The following WIPF2 variants were observed in gnomAD, a reference collection of about 807,000 sequenced individuals.
WIPF2 encodes WAS/WASL-interacting protein family member 2.
Under a neutral mutation model 38.8 loss-of-function variants are expected in WIPF2, and 23 were observed. That is an observed-to-expected ratio of 0.59 (90% CI 0.43 to 0.84). WIPF2 has a LOEUF of 0.84. Ranked by LOEUF, WIPF2 falls within the 40% of genes least tolerant of loss-of-function variation. The pLI is 0.00. For missense variants in WIPF2, 574 were observed against 580.5 expected (o/e 0.99, Z 0.11); for synonymous variants, 210 against 223.2 (o/e 0.94, Z 0.53).
intron 4 of WIPF2, among the ~76,000 whole-genome samples, chr17:40,263,880 T>C (rs1344451097): frequency 6.6e-6 from 1 of 151,790 alleles, no homozygotes; most frequent in African/African-American, 2.4e-5. Context: ...TTAAAAAAAA[T>C]ATGTGAGGTG....
chr17:40,274,491 T>C (rs1053664971), intron 6 of WIPF2, among the ~76,000 whole-genome samples: 1 of 137,332 alleles, frequency 7.3e-6, no homozygotes, highest in Non-Finnish European at 1.5e-5. Context: ...TCCTCCAACC[T>C]TGGCCTCCCA....
intron 1 of WIPF2, among the ~76,000 whole-genome samples, chr17:40,224,490 C>G (rs1410378830): frequency 6.7e-6 from 1 of 149,952 alleles, no homozygotes; most frequent in Non-Finnish European, 1.5e-5. Context: ...TTGTGATCCA[C>G]CCGCCTCGGC....
intron 1 of WIPF2, among the ~76,000 whole-genome samples, chr17:40,245,883 A>T (rs1230743185): frequency 1.3e-5 from 2 of 152,116 alleles, no homozygotes; most frequent in Non-Finnish European, 2.9e-5. Context: ...TAAGTTGTGG[A>T]TACTTAATTG....
Position 40,278,923 on chromosome 17 carries a change from AGTCAGTTCTCTGC to A in WIPF2, c.*699_*711del, listed in dbSNP as rs1475560150. The A allele has an allele frequency of 1.3e-5, 2 of 152,154 alleles. No homozygotes were observed. The highest frequency in any genetic ancestry group is 6.6e-5 in the Admixed American group (1 of 15,250). The allele number at this position is 152,154 out of a possible 1,614,324, so 9.4% of individuals were successfully genotyped here. On this transcript the variant is annotated 3_prime_UTR_variant, in exon 8 of 8. Transcript: ENST00000323571. ...ATAAACTGAAGACCATTTTAGAACT[AGTCAGTTCTCTGC>A]AGCAAAGGGAACAGGAGCCATTTGA...
At chr17:40,268,605 TA>T (rs1460424795) in intron 5 of WIPF2, among the ~76,000 whole-genome samples, 4 of 152,128 alleles carry the variant, frequency 2.6e-5, no homozygotes, top group African/African-American at 9.7e-5. Context: ...AATTTTTTTT[TA>T]TTTTTATTTT....
At chr17:40,261,296 CTT>C (rs752568975) in intron 3 of WIPF2, among the ~76,000 whole-genome samples, 4 of 143,896 alleles carry the variant, frequency 2.8e-5, no homozygotes, top group Admixed American at 7.0e-5. Flanking sequence ...TTGAACATTT[CTT>C]TTTTTTTTTT....
rs2143030072 is a variant in WIPF2 at position 40,282,687 on chromosome 17, CA to C, written c.*4467del. On this transcript the variant is annotated 3_prime_UTR_variant, in exon 8 of 8. Transcript: ENST00000323571. The stretch of plus-strand genomic sequence containing the variant: ...GCTTAATTAAAACCTTGCTTAAAAA[CA>C]AAAAGTGAAAATTGTGTACTCTTGT... 6.6e-6 allele frequency: 1 copy of C among 152,230 alleles called. No individual in the cohort carries two copies. The highest frequency in any genetic ancestry group is 1.9e-4 in the East Asian group (1 of 5,180). The allele number at this position is 152,230 out of a possible 1,614,324, so 9.4% of individuals were successfully genotyped here.
Position 40,264,497 on chromosome 17 carries a change from A to G in WIPF2, c.321A>G (p.Leu107=). ...TTGTCTATGTATTTGTAGAGAACCT[A>G]GCTGGTAAGCCAGCCCTGCAAATCC... is the stretch of plus-strand genomic sequence containing the variant. ...PVGAKDGSEN[L]AGKPALQIPS... The change falls in exon 5 of 8, where the codon CTA becomes CTG. Residue 107 remains leucine, a synonymous_variant. Coordinates refer to ENST00000323571, the MANE Select transcript of WIPF2 (RefSeq NM_133264.5). The G allele has an allele frequency of 6.2e-7, 1 of 1,614,074 alleles. No individual in the cohort carries two copies. The highest frequency in any genetic ancestry group is 1.3e-5 in the African/African-American group (1 of 75,018).
At chr17:40,257,066 C>A (rs1282695326) in intron 2 of WIPF2, among the ~76,000 whole-genome samples, 1 of 152,060 alleles carries the variant, frequency 6.6e-6, no homozygotes, top group Non-Finnish European at 1.5e-5. Flanking sequence ...GCAACCTCTG[C>A]CTCCTGGGTT....
At chr17:40,223,134 T>C (rs542282989) in intron 1 of WIPF2, among the ~76,000 whole-genome samples, 10 of 151,968 alleles carry the variant, frequency 6.6e-5, no homozygotes, top group Non-Finnish European at 1.3e-4. Context: ...GTAGTGTTTG[T>C]TTTTTTATTT....
chr17:40,235,962 A>C (rs575107869), intron 1 of WIPF2, among the ~76,000 whole-genome samples: 2 of 141,624 alleles, frequency 1.4e-5, no homozygotes, highest in Non-Finnish European at 3.1e-5. Flanking sequence ...GATTAAAAAA[A>C]TTTTTTTTTT....
At chr17:40,231,960 A>C (rs1040952164) in intron 1 of WIPF2, among the ~76,000 whole-genome samples, 1 of 129,994 alleles carries the variant, frequency 7.7e-6, no homozygotes, top group African/African-American at 2.8e-5. Context: ...TTTAGCAGTT[A>C]GTGGCATTAC....
intron 1 of WIPF2, among the ~76,000 whole-genome samples, chr17:40,252,386 G>A (rs969368189): frequency 6.6e-6 from 1 of 152,120 alleles, no homozygotes; most frequent in African/African-American, 2.4e-5. Context: ...AACCCAGGCC[G>A]GGCATGGTGG....
At chr17:40,249,600 T>G (rs1188154426) in intron 1 of WIPF2, among the ~76,000 whole-genome samples, 1 of 149,668 alleles carries the variant, frequency 6.7e-6, no homozygotes, top group Non-Finnish European at 1.5e-5. Flanking sequence ...ATTACAGGCA[T>G]GCACCACCAT....
rs192899181 is a variant in WIPF2, at chr17:40,277,417, T to C, written c.1282+233T>C. ...CAAAATTAGGCTGGGCGCGGTGGCT[T>C]ATGCCTATAATCCCAGCATTTTGGG... On this transcript the variant is annotated intron_variant, in intron 7 of 7. Coordinates refer to ENST00000323571, the MANE Select transcript of WIPF2 (RefSeq NM_133264.5). Among the ~76,000 whole-genome samples the C allele has an allele frequency of 3.3e-3, 505 of 152,068 alleles. 1 individual carries two copies. The highest frequency in any genetic ancestry group is 5.3e-3 in the Non-Finnish European group (357 of 67,994).
chr17:40,269,520 C>T (rs1284107695), intron 5 of WIPF2, among the ~76,000 whole-genome samples: 3 of 151,060 alleles, frequency 2.0e-5, no homozygotes, highest in South Asian at 2.1e-4. Context: ...CAAAACCCGC[C>T]CCCCCAAAAC....
intron 1 of WIPF2, among the ~76,000 whole-genome samples, chr17:40,242,005 C>T (rs187625522): frequency 6.6e-6 from 1 of 152,270 alleles, no homozygotes; most frequent in Non-Finnish European, 1.5e-5. Flanking sequence ...AATCTTGTGG[C>T]TGTTATTAAC....
At chr17:40,236,008 G>A (rs1054387145) in intron 1 of WIPF2, among the ~76,000 whole-genome samples, 4 of 150,648 alleles carry the variant, frequency 2.7e-5, no homozygotes, top group African/African-American at 7.4e-5. Context: ...ACCCAGGCCC[G>A]AGTGCAGTGA....
Position 40,278,124 on chromosome 17 carries a change from GGTT to G in WIPF2, c.1283-57_1283-55del, listed in dbSNP as rs1378191112. On this transcript the variant is annotated intron_variant, in intron 7 of 7. Coordinates refer to ENST00000323571, the MANE Select transcript of WIPF2 (RefSeq NM_133264.5). ...CTGTCTCTCATTTTAGGAATGTGTG[GGTT>G]GTTCAGATTCTGGTGGGTGACCTGT... 4 of 1,560,258 alleles carry G rather than the reference GGTT, an allele frequency of 2.6e-6. No homozygotes were observed. The African/African-American group carries it at 4.1e-5, about 16-fold the overall frequency.
Sources: gnomAD v4.1 joint callset for allele counts (sites outside exome capture counted in the v4.1 genomes callset) on GRCh38, gnomAD v4.1.1 for gene constraint, MANE v1.5 for transcripts, NCBI Gene and HGNC (gene_info 2026-07-23, HGNC 2026-07-21) for gene names.